CNTN5: variants seen among roughly 807,000 people sequenced by gnomAD.
CNTN5 encodes the protein contactin 5.
A neutral mutation model predicts 129.1 loss-of-function variants in CNTN5; 77 were observed. The ratio of observed to expected loss-of-function variants is 0.60; its 90% CI spans 0.50 to 0.72. CNTN5 has a LOEUF of 0.72. CNTN5 is among the 30% of genes least tolerant of loss of function. The pLI, the probability that CNTN5 is intolerant of heterozygous loss-of-function variation, is 0.00. For synonymous variants in CNTN5, 509 were observed against 465.6 expected (o/e 1.09, Z -1.20); for missense variants, 1,478 against 1,328.8 (o/e 1.11, Z -1.75).
At chr11:99,691,335 A>T (rs895833494) in intron 3 of CNTN5, among the ~76,000 whole-genome samples, 1 of 151,728 alleles carries the variant, frequency 6.6e-6, no homozygotes, top group Non-Finnish European at 1.5e-5. Flanking sequence ...TTTAGTTGTG[A>T]TGTTAGGTTG....
chr11:100,105,714 T>C (rs1040577530), intron 13 of CNTN5, among the ~76,000 whole-genome samples: 2 of 152,126 alleles, frequency 1.3e-5, no homozygotes, highest in Non-Finnish European at 2.9e-5. Context: ...CAAGGTCTCA[T>C]CGTTTCAGAC....
chr11:99,914,473 T>C (rs73551356), intron 6 of CNTN5, among the ~76,000 whole-genome samples: 1 of 152,008 alleles, frequency 6.6e-6, no homozygotes, highest in Admixed American at 6.6e-5. Flanking sequence ...CTCATACATA[T>C]GAAATTCAAA....
chr11:99,263,838 A>G (rs2510680), intron 1 of CNTN5, among the ~76,000 whole-genome samples: 8,292 of 152,086 alleles, frequency 0.055, 792 homozygotes, highest in African/African-American at 0.19. Flanking sequence ...CCCTGATTAA[A>G]GATTATTTCA....
At chr11:99,251,104 G>A (rs1862077446) in intron 1 of CNTN5, among the ~76,000 whole-genome samples, 1 of 151,956 alleles carries the variant, frequency 6.6e-6, no homozygotes, top group Non-Finnish European at 1.5e-5. Flanking sequence ...TAGGGACAGA[G>A]TTATAGATTG....
At chr11:99,580,737 CT>C in intron 3 of CNTN5, among the ~76,000 whole-genome samples, 1 of 147,664 alleles carries the variant, frequency 6.8e-6, no homozygotes, top group Admixed American at 6.8e-5. Context: ...CTTTATTAGT[CT>C]TGCTAACGGT....
At chr11:99,807,294 T>A (rs1049173494) in intron 3 of CNTN5, among the ~76,000 whole-genome samples, 1 of 152,290 alleles carries the variant, frequency 6.6e-6, no homozygotes, top group African/African-American at 2.4e-5. Context: ...CAGTAGCTAT[T>A]TTCACTTCAG....
intron 3 of CNTN5, among the ~76,000 whole-genome samples, chr11:99,585,383 A>G (rs1949759661): frequency 6.6e-6 from 1 of 152,194 alleles, no homozygotes; most frequent in South Asian, 2.1e-4. Flanking sequence ...GAATGAAAAA[A>G]GGTAGGAGGA....
chr11:99,698,062 GTTTTT>G (rs11431417), intron 3 of CNTN5, among the ~76,000 whole-genome samples: 1 of 144,290 alleles, frequency 6.9e-6, no homozygotes, highest in African/African-American at 2.5e-5. Context: ...ATATGTTAGT[GTTTTT>G]TTTTTTAACT....
rs1374321479 is a variant in CNTN5 at position 99,124,534 on chromosome 11, AT to A, written c.-210+103267del. 2.6e-5 allele frequency among the ~76,000 whole-genome samples: 4 copies of A among 152,008 alleles called. No individual in the cohort carries two copies. The East Asian group carries it at 7.7e-4, about 29-fold the overall frequency. ...AAGTTAGAAAGGTCTCCAATTAACA[AT>A]TTAACATCACATCTAGAGGTAATAG... On this transcript the variant is annotated intron_variant, in intron 1 of 24. Coordinates refer to ENST00000524871, the MANE Select transcript of CNTN5 (RefSeq NM_014361.4).
intron 3 of CNTN5, among the ~76,000 whole-genome samples, chr11:99,745,545 A>G (rs1007831678): frequency 1.3e-5 from 2 of 152,154 alleles, no homozygotes; most frequent in Non-Finnish European, 2.9e-5. Context: ...ATTTTATGTA[A>G]GCTTCTTTTG....
chr11:99,684,939 A>G (rs1336088839), intron 3 of CNTN5, among the ~76,000 whole-genome samples: 1 of 151,538 alleles, frequency 6.6e-6, no homozygotes, highest in African/African-American at 2.4e-5. Context: ...AATTGATTTC[A>G]ATAGTATTAA....
chr11:100,112,510 C>T (rs974166083), intron 13 of CNTN5, among the ~76,000 whole-genome samples: 5 of 151,966 alleles, frequency 3.3e-5, no homozygotes, highest in Admixed American at 3.3e-4. Context: ...GTCTTAGTTC[C>T]TTATAAATTA....
chr11:99,407,378 C>G (rs1455397125), intron 2 of CNTN5, among the ~76,000 whole-genome samples: 1 of 152,120 alleles, frequency 6.6e-6, no homozygotes, highest in East Asian at 1.9e-4. Context: ...AAAGGGATGT[C>G]ACAGCTCTGA....
At chr11:99,934,951 C>T (rs977876821) in intron 7 of CNTN5, among the ~76,000 whole-genome samples, 3 of 114,868 alleles carry the variant, frequency 2.6e-5, no homozygotes, top group Non-Finnish European at 3.6e-5. Context: ...TATATATACA[C>T]ACACATATAT....
In CNTN5 at chr11:99,076,829, T is replaced by C. The variant is rs1453694968; in HGVS notation, c.-210+55559T>C. On this transcript the variant is annotated intron_variant, in intron 1 of 24. Transcript: ENST00000524871. Reference sequence around the variant, plus strand: ...CAGGAGATTAAAGGAAAGAGAAATCTGATGGAAACACATCAGGGAAAATAG... The same window carrying C: ...CAGGAGATTAAAGGAAAGAGAAATCCGATGGAAACACATCAGGGAAAATAG... 2.0e-5 allele frequency among the ~76,000 whole-genome samples: 3 copies of C among 152,210 alleles called. No individual in the cohort carries two copies. The East Asian group carries it at 5.8e-4, about 29-fold the overall frequency.
chr11:99,613,865 A>G (rs1950673228), intron 3 of CNTN5, among the ~76,000 whole-genome samples: 1 of 152,314 alleles, frequency 6.6e-6, no homozygotes, highest in South Asian at 2.1e-4. Flanking sequence ...TTTTTGATGT[A>G]AACTGTTAAC....
intron 2 of CNTN5, among the ~76,000 whole-genome samples, chr11:99,525,987 T>C (rs967937236): frequency 1.4e-5 from 2 of 140,544 alleles, no homozygotes; most frequent in African/African-American, 5.0e-5. Context: ...AAAGGCATTA[T>C]ACATTAATGT....
intron 3 of CNTN5, among the ~76,000 whole-genome samples, chr11:99,712,794 T>G (rs762223269): frequency 1.3e-5 from 2 of 152,076 alleles, no homozygotes; most frequent in Non-Finnish European, 2.9e-5. Context: ...GTTCTTGATG[T>G]GTGGTATTAT....
At chr11:100,234,414 A>G (rs997928747) in intron 16 of CNTN5, among the ~76,000 whole-genome samples, 2 of 152,200 alleles carry the variant, frequency 1.3e-5, no homozygotes, top group Non-Finnish European at 2.9e-5. Flanking sequence ...TCGATGATAG[A>G]CTTGATAAAG....
Sources: gnomAD v4.1 joint callset for allele counts (sites outside exome capture counted in the v4.1 genomes callset) on GRCh38, gnomAD v4.1.1 for gene constraint, MANE v1.5 for transcripts, NCBI Gene and HGNC (gene_info 2026-07-23, HGNC 2026-07-21) for gene names.